FBXL17: variants seen among roughly 807,000 people sequenced by gnomAD.
The protein encoded by FBXL17 is F-box/LRR-repeat protein 17.
FBXL17 carries 22 observed loss-of-function variants against 66.2 expected under a neutral mutation model. The ratio of observed to expected loss-of-function variants is 0.33; its 90% CI spans 0.24 to 0.47. FBXL17 has a LOEUF of 0.47. FBXL17 is among the 20% of genes least tolerant of loss of function. The probability of loss-of-function intolerance (pLI) is 1.00; values close to 1 mark genes in which losing one functional copy is unlikely to be tolerated. For synonymous variants in FBXL17, 474 were observed against 400.5 expected, an observed-to-expected ratio of 1.18 and a Z score of -2.19; for missense variants, 878 against 948.2, an observed-to-expected ratio of 0.93 and a Z score of 0.97.
chr5:108,286,630 A>G (rs907709094), intron 4 of FBXL17, among the ~76,000 whole-genome samples: 9 of 152,082 alleles, frequency 5.9e-5, no homozygotes, highest in Admixed American at 6.6e-5. Flanking sequence ...ACACTGCTCA[A>G]AGAAATCAGA....
intron 6 of FBXL17, among the ~76,000 whole-genome samples, chr5:108,167,582 T>C (rs1752458869): frequency 6.6e-6 from 1 of 152,194 alleles, no homozygotes; most frequent in South Asian, 2.1e-4. Context: ...TTCAGGGTAA[T>C]TTATGTAATT....
Position 108,224,114 on chromosome 5 carries a change from T to C in FBXL17, c.1614+7A>G, listed in dbSNP as rs781356562. On this transcript the variant is annotated splice_region_variant and intron_variant, in intron 5 of 8. Transcript: ENST00000542267. ...AAATACCAAGGAAAAGCAGCCATAG[T>C]ACCTACCTTGGTTAGGTGAATGACT... 3.4e-6 allele frequency: 5 copies of C among 1,491,704 alleles called. No homozygotes were observed. The Admixed American group carries it at 8.5e-5, about 25-fold the overall frequency. 92.4% of individuals were successfully genotyped at this position (1,491,704 alleles called of 1,614,324 possible).
chr5:108,207,824 T>A (rs904838048), intron 5 of FBXL17, among the ~76,000 whole-genome samples: 1 of 152,198 alleles, frequency 6.6e-6, no homozygotes, highest in Non-Finnish European at 1.5e-5. Context: ...TTATAATCCT[T>A]TGGGTATATA....
At chr5:107,928,939 C>A (rs1750628821) in intron 7 of FBXL17, among the ~76,000 whole-genome samples, 1 of 152,078 alleles carries the variant, frequency 6.6e-6, no homozygotes, top group Non-Finnish European at 1.5e-5. Flanking sequence ...CAAATATCAA[C>A]TGACACCATA....
intron 7 of FBXL17, among the ~76,000 whole-genome samples, chr5:107,921,905 C>A (rs1014562975): frequency 1.3e-5 from 2 of 152,194 alleles, no homozygotes; most frequent in African/African-American, 4.8e-5. Flanking sequence ...ATGGGTGGGG[C>A]AGTATTGCTG....
intron 6 of FBXL17, among the ~76,000 whole-genome samples, chr5:108,152,410 T>A (rs1702117519): frequency 6.6e-6 from 1 of 152,164 alleles, no homozygotes; most frequent in Admixed American, 6.5e-5. Flanking sequence ...CAATTTTTTT[T>A]ATTGTAGAGC....
chr5:108,298,993 C>G, intron 4 of FBXL17: 1 of 974,484 alleles, frequency 1.0e-6, no homozygotes. Flanking sequence ...GAGAGTATAA[C>G]ACTTTTTCCT....
chr5:108,191,417 T>C (rs1580587385), intron 5 of FBXL17, among the ~76,000 whole-genome samples: 1 of 152,222 alleles, frequency 6.6e-6, no homozygotes, highest in Non-Finnish European at 1.5e-5. Flanking sequence ...TTCTATGTTA[T>C]GTACATTTTA....
chr5:108,317,587 GT>G (rs1164434947), intron 4 of FBXL17, among the ~76,000 whole-genome samples: 1 of 150,948 alleles, frequency 6.6e-6, no homozygotes, highest in Non-Finnish European at 1.5e-5. Context: ...AAAATACTCT[GT>G]TATGGTATAA....
chr5:108,373,534 T>C (rs909820705), intron 1 of FBXL17, among the ~76,000 whole-genome samples: 10 of 151,706 alleles, frequency 6.6e-5, no homozygotes, highest in African/African-American at 1.2e-4. Context: ...ATATAAGACA[T>C]AGAGAAAACA....
chr5:107,859,190 T>C lies in FBXL17; in HGVS notation c.*2530A>G, dbSNP rs1175501923. ...CAGCAATATATTTCATAGTCTTTAT[T>C]CTGAAAATACTGTTGACATTTTGGA... On this transcript the variant is annotated 3_prime_UTR_variant, in exon 9 of 9. Coordinates refer to ENST00000542267, the MANE Select transcript of FBXL17 (RefSeq NM_001163315.3). 2 of 152,160 alleles carry C rather than the reference T, an allele frequency of 1.3e-5. No homozygotes were observed. Among genetic ancestry groups the C allele is most frequent in the Non-Finnish European group, 2.9e-5 (2 of 68,028 alleles). 9.4% of individuals were successfully genotyped at this position (152,160 alleles called of 1,614,324 possible). A position where few individuals can be genotyped will look rare whatever the true frequency, so the allele number is the denominator to read the frequency against.
At chr5:108,205,242 T>C (rs1040118836) in intron 5 of FBXL17, among the ~76,000 whole-genome samples, 1 of 152,186 alleles carries the variant, frequency 6.6e-6, no homozygotes, top group African/African-American at 2.4e-5. Flanking sequence ...GTTTCCTTTA[T>C]TGGCCTATGC....
At chr5:107,865,252 T>C (rs1748240048) in intron 8 of FBXL17, among the ~76,000 whole-genome samples, 1 of 152,224 alleles carries the variant, frequency 6.6e-6, no homozygotes, top group South Asian at 2.1e-4. Context: ...GAGGGCCAAT[T>C]AATTTAAAAA....
rs1416315115 is a variant in FBXL17, at chr5:107,860,486, T to C, written c.*1234A>G. On this transcript the variant is annotated 3_prime_UTR_variant, in exon 9 of 9. Transcript: ENST00000542267. Reference sequence around the variant, plus strand: ...ATCAAAACATATATTCATTTACTGATAGGTCTTGTCTTAACTGAAGCTGGC... The same window carrying C: ...ATCAAAACATATATTCATTTACTGACAGGTCTTGTCTTAACTGAAGCTGGC... 2 of 152,662 alleles carry C rather than the reference T, an allele frequency of 1.3e-5. No homozygotes were observed. The highest frequency in any genetic ancestry group is 2.9e-5 in the Non-Finnish European group (2 of 68,034). The allele number at this position is 152,662 out of a possible 1,614,324, so 9.5% of individuals were successfully genotyped here.
chr5:108,236,511 T>TAA (rs544705390), intron 4 of FBXL17, among the ~76,000 whole-genome samples: 1 of 138,286 alleles, frequency 7.2e-6, no homozygotes, highest in African/African-American at 2.7e-5. Flanking sequence ...AGACTCTGTC[T>TAA]AAAAAAAAAA....
intron 7 of FBXL17, among the ~76,000 whole-genome samples, chr5:107,975,724 T>C (rs1054999054): frequency 1.3e-5 from 2 of 152,144 alleles, no homozygotes; most frequent in African/African-American, 4.8e-5. Flanking sequence ...TTTACTGTTT[T>C]CTTCAATAAG....
chr5:108,057,773 G>A (rs1018793167), intron 6 of FBXL17, among the ~76,000 whole-genome samples: 2 of 152,098 alleles, frequency 1.3e-5, no homozygotes, highest in African/African-American at 4.8e-5. Context: ...CATTACAATA[G>A]CTATTTTACT....
chr5:108,195,356 C>A (rs1404811472), intron 5 of FBXL17, among the ~76,000 whole-genome samples: 1 of 152,008 alleles, frequency 6.6e-6, no homozygotes, highest in Non-Finnish European at 1.5e-5. Context: ...CAAACAAAGC[C>A]AGGCTGATAT....
At chr5:108,220,144 T>G (rs1226415419) in intron 5 of FBXL17, among the ~76,000 whole-genome samples, 1 of 152,126 alleles carries the variant, frequency 6.6e-6, no homozygotes, top group East Asian at 1.9e-4. Context: ...ACTTTCTAAT[T>G]TCTCTTTTGA....
Sources: gnomAD v4.1 joint callset for allele counts (sites outside exome capture counted in the v4.1 genomes callset) on GRCh38, gnomAD v4.1.1 for gene constraint, MANE v1.5 for transcripts, NCBI Gene and HGNC (gene_info 2026-07-23, HGNC 2026-07-21) for gene names.